Variants in DNAH5 observed in about 807,000 individuals in gnomAD.
DNAH5 encodes axonemal beta dynein heavy chain 5.
DNAH5 carries 372 observed loss-of-function variants against 518.2 expected under a neutral mutation model. The observed-to-expected ratio is 0.72, with a 90% CI of 0.66 to 0.78. The LOEUF (loss-of-function observed/expected upper bound fraction) is 0.78. Among genes scored for constraint, DNAH5 ranks in the 30% least tolerant of loss-of-function variants. The probability of loss-of-function intolerance (pLI) is 0.00; values close to 1 mark genes in which losing one functional copy is unlikely to be tolerated. For synonymous variants in DNAH5, 2,039 were observed against 2,025.9 expected (o/e 1.01, Z -0.17); for missense variants, 5,523 against 5,687.0 (o/e 0.97, Z 0.93).
At chr5:13,842,222 A>C (rs540730950) in intron 32 of DNAH5, among the ~76,000 whole-genome samples, 1 of 151,798 alleles carries the variant, frequency 6.6e-6, no homozygotes, top group South Asian at 2.1e-4. Context: ...TCTACTAAAA[A>C]TACAAAAATT....
intron 3 of DNAH5, among the ~76,000 whole-genome samples, chr5:13,926,962 G>T: frequency 6.6e-6 from 1 of 152,104 alleles, no homozygotes; most frequent in East Asian, 1.9e-4. Flanking sequence ...ATGCCAGTTC[G>T]AATTTGCATG....
intron 1 of DNAH5, among the ~76,000 whole-genome samples, chr5:13,990,762 G>A (rs901446924): frequency 2.6e-5 from 4 of 151,934 alleles, no homozygotes; most frequent in Non-Finnish European, 5.9e-5. Context: ...AGCTACTTGG[G>A]AGGCTGAGGC....
At position 13,952,349 on chromosome 5, in the gene DNAH5, C is replaced by T. The variant is rs1296083073; in HGVS notation, c.13-21105G>A. Among the ~76,000 whole-genome samples the T allele has an allele frequency of 3.9e-5, 6 of 152,170 alleles. No individual in the cohort carries two copies. The East Asian group carries it at 1.2e-3, about 29-fold the overall frequency. On this transcript the variant is annotated intron_variant, in intron 1 of 78. Transcript: ENST00000681290. ...AGCAAATCCATTTTTTTAAAGCACG[C>T]AGCAATTTCTGCAAAGAAAGTTCTG...
intron 32 of DNAH5, among the ~76,000 whole-genome samples, chr5:13,842,271 T>C (rs1461953358): frequency 1.3e-5 from 2 of 151,664 alleles, no homozygotes; most frequent in Non-Finnish European, 2.9e-5. Flanking sequence ...TCCCAGCTAA[T>C]TGAGAGGCTG....
chr5:13,755,689 A>G (rs1168262123), intron 61 of DNAH5, among the ~76,000 whole-genome samples: 1 of 152,128 alleles, frequency 6.6e-6, no homozygotes, highest in Non-Finnish European at 1.5e-5. Flanking sequence ...CCATCCCCCA[A>G]CTACGGCTAC....
chr5:13,796,877 AG>A, intron 47 of DNAH5, among the ~76,000 whole-genome samples: 1 of 152,310 alleles, frequency 6.6e-6, no homozygotes, highest in Non-Finnish European at 1.5e-5. Context: ...AACAGAACAG[AG>A]GCCTCAGAAA....
In DNAH5 at chr5:13,885,058, T is replaced by G. The variant is rs776671484; in HGVS notation, c.2914A>C (p.Lys972Gln). The G allele has an allele frequency of 7.6e-5, 123 of 1,614,092 alleles. No homozygotes were observed. Among genetic ancestry groups the G allele is most frequent in the Non-Finnish European group, 1.0e-4 (120 of 1,180,042 alleles). Residue 972 changes from lysine (K) to glutamine (Q), a missense_variant, in exon 19 of 79, where the codon AAA becomes CAA. Physicochemically the swap from Lys to Gln is moderately conservative, Grantham distance 53 (BLOSUM62 1). This residue lies in a region of DNAH5 where 5,121 missense variants were observed against 5,223.3 expected (regional missense o/e 0.98). Transcript: ENST00000265104. ...GCCTCTAGTGTATTCCTTGTAACTT[T>G]CAGAAGAGCATCCATGTTCTGATGG... The part of the protein sequence containing the change: ...FNHQNMDALL[K>Q]VTRNTLEAIR...
chr5:13,972,137 A>C (rs1463469132), intron 1 of DNAH5, among the ~76,000 whole-genome samples: 1 of 152,170 alleles, frequency 6.6e-6, no homozygotes, highest in African/African-American at 2.4e-5. Context: ...CCCAGCTCCC[A>C]TGCAGCTCGA....
chr5:13,984,322 CTCTG>C (rs1285567755), intron 1 of DNAH5, among the ~76,000 whole-genome samples: 1 of 152,178 alleles, frequency 6.6e-6, no homozygotes, highest in African/African-American at 2.4e-5. Context: ...TAATTTGGCT[CTCTG>C]TCTGTCTGTT....
Position 13,700,691 on chromosome 5 carries a change from T to C in DNAH5, c.13672A>G (p.Lys4558Glu), listed in dbSNP as rs752010216. Reference protein sequence around the residue: ...RNMKLIESKPKVLFELMPVIR... With the variant: ...RNMKLIESKPEVLFELMPVIR... ...ACAGGCATCAACTCAAAGAGCACTTTTGGCTTTGATTCAATGAGTTTCATG... is the reference window on the plus strand; with the variant it reads ...ACAGGCATCAACTCAAAGAGCACTTCTGGCTTTGATTCAATGAGTTTCATG... Residue 4558 changes from lysine (K) to glutamate (E), a missense_variant, in exon 78 of 79, where the codon AAA becomes GAA. Transcript: ENST00000265104. The C allele has an allele frequency of 5.3e-5, 85 of 1,614,096 alleles. No homozygotes were observed. The highest frequency in any genetic ancestry group is 6.9e-5 in the Non-Finnish European group (81 of 1,180,032).
At chr5:13,958,607 G>A (rs1218650427) in intron 1 of DNAH5, among the ~76,000 whole-genome samples, 2 of 152,116 alleles carry the variant, frequency 1.3e-5, no homozygotes, top group African/African-American at 4.8e-5. Flanking sequence ...TTTGGACCAA[G>A]ACAGCCATTT....
chr5:13,814,878 T>C, intron 42 of DNAH5, 32 bp from the exon 43 acceptor site: 1 of 1,600,176 alleles, frequency 6.2e-7, no homozygotes, highest in Non-Finnish European at 8.5e-7. Flanking sequence ...AAAAAAAAAA[T>C]ACATACACTC....
chr5:13,981,926 C>A (rs1374901768), intron 1 of DNAH5, among the ~76,000 whole-genome samples: 2 of 152,218 alleles, frequency 1.3e-5, no homozygotes, highest in African/African-American at 4.8e-5. Context: ...CTAATCATAA[C>A]TGAAACACAA....
chr5:13,972,072 C>T (rs944425499), intron 1 of DNAH5, among the ~76,000 whole-genome samples: 3 of 152,136 alleles, frequency 2.0e-5, no homozygotes, highest in Non-Finnish European at 2.9e-5. Context: ...GCTGCTTCTC[C>T]TGTGTCATAC....
chr5:13,899,286 T>C (rs6894188), intron 15 of DNAH5: 38,996 of 152,300 alleles, frequency 0.26, 5,040 homozygotes, highest in South Asian at 0.33. Flanking sequence ...AGTCCTCTGT[T>C]TTATTTGCAC....
chr5:13,749,878 T>C (rs1253219564), intron 65 of DNAH5, among the ~76,000 whole-genome samples: 25 of 152,176 alleles, frequency 1.6e-4, no homozygotes, highest in Admixed American at 1.5e-3. Flanking sequence ...ACTAAGCAAG[T>C]ACATATTTTG....
intron 6 of DNAH5, 181 bp from the exon 7 acceptor site, chr5:13,919,533 C>A: frequency 1.6e-6 from 1 of 630,604 alleles, no homozygotes; most frequent in South Asian, 2.8e-5. Flanking sequence ...AAAACTTCAA[C>A]GAAAATCTCT....
At chr5:13,969,346 T>C (rs1480519869) in intron 1 of DNAH5, among the ~76,000 whole-genome samples, 2 of 152,186 alleles carry the variant, frequency 1.3e-5, no homozygotes, top group African/African-American at 4.8e-5. Flanking sequence ...TTATTTATTT[T>C]CTTCTGTTGA....
chr5:13,830,255 T>C lies in DNAH5; in HGVS notation c.6062-42A>G, dbSNP rs1208361387. ...AATGAAAAATCCAATTAGTATATAA[T>C]TTTAGAAAACCAAGAAAAAGGATAT... On this transcript the variant is annotated intron_variant, in intron 36 of 78. Coordinates refer to ENST00000265104, the MANE Select transcript of DNAH5 (RefSeq NM_001369.3). 3 of 1,571,758 alleles carry C rather than the reference T, an allele frequency of 1.9e-6. No individual in the cohort carries two copies. In the African/African-American group the frequency reaches 4.1e-5, roughly 21 times the overall value.
Sources: gnomAD v4.1 joint callset for allele counts (sites outside exome capture counted in the v4.1 genomes callset) on GRCh38, gnomAD v4.1.1 for gene constraint, gnomAD v4.1.1 regional missense constraint, MANE v1.5 for transcripts, NCBI Gene and HGNC (gene_info 2026-07-23, HGNC 2026-07-21) for gene names.